PPP1R1A: variants seen among roughly 807,000 people sequenced by gnomAD.
PPP1R1A encodes the protein protein phosphatase 1 regulatory subunit 1A.
In PPP1R1A, 18 loss-of-function variants were observed where a neutral mutation model predicts 23.9. The observed-to-expected ratio is 0.75, with a 90% CI of 0.52 to 1.12. The LOEUF is 1.12. Ranked by LOEUF, PPP1R1A falls within the 50% of genes most tolerant of loss-of-function variation. The pLI is 0.00. For synonymous variants in PPP1R1A, 84 were observed against 80.7 expected (o/e 1.04, Z -0.22); for missense variants, 207 against 223.8 (o/e 0.92, Z 0.48).
In PPP1R1A at chr12:54,583,820, G is replaced by A. The variant is rs529289161; in HGVS notation, c.145+440C>T. On this transcript the variant is annotated intron_variant, in intron 2 of 6. Coordinates refer to ENST00000257905, the MANE Select transcript of PPP1R1A (RefSeq NM_006741.4). ...AGAACTTGTTTTCTCCCCAGACCTC[G>A]ATGGGGATGCTGGTGACCAGAATCT... Among the ~76,000 whole-genome samples the A allele has an allele frequency of 6.6e-5, 10 of 152,252 alleles. No individual in the cohort carries two copies. In the South Asian group the frequency reaches 1.2e-3, roughly 19 times the overall value.
chr12:54,580,683 T>C (rs1483987566), intron 6 of PPP1R1A, among the ~76,000 whole-genome samples: 1 of 152,186 alleles, frequency 6.6e-6, no homozygotes, highest in Non-Finnish European at 1.5e-5. Flanking sequence ...TATCAAAAAA[T>C]CCATGGCCTA....
At chr12:54,587,176 T>C (rs1046446627) in intron 1 of PPP1R1A, among the ~76,000 whole-genome samples, 1 of 151,628 alleles carries the variant, frequency 6.6e-6, no homozygotes, top group African/African-American at 2.4e-5. Context: ...GTAGGGAGAG[T>C]GTGTACCCCT....
chr12:54,582,776 G>A lies in PPP1R1A; in HGVS notation c.203C>T (p.Pro68Leu). The change falls in exon 4 of 7, where the codon CCA (proline) becomes CTA (leucine). Residue 68 changes from proline (P) to leucine (L), a missense_variant. Transcript: ENST00000257905. ...CCTTGTCATCTTCTTCCGTTGCCGT[G>A]GAGACATTGCCAAAGTGGACTGTGA... ...PHLKSTLAMS[P>L]RQRKKMTRIT... 6.2e-7 allele frequency: 1 copy of A among 1,613,628 alleles called. No individual in the cohort carries two copies. Among genetic ancestry groups the A allele is most frequent in the Non-Finnish European group, 8.5e-7 (1 of 1,179,878 alleles).
intron 1 of PPP1R1A, among the ~76,000 whole-genome samples, chr12:54,587,454 AAGG>A (rs1345762681): frequency 6.6e-6 from 1 of 152,230 alleles, no homozygotes; most frequent in Non-Finnish European, 1.5e-5. Flanking sequence ...TTTGGCAAAC[AAGG>A]AGTAGTAAGG....
chr12:54,585,468 G>A (rs1192723712), intron 1 of PPP1R1A, among the ~76,000 whole-genome samples: 1 of 152,162 alleles, frequency 6.6e-6, no homozygotes, highest in African/African-American at 2.4e-5. Flanking sequence ...CCTGGGAGGT[G>A]TAGTTTTCCC....
rs903158023 is a variant in PPP1R1A at position 54,582,198 on chromosome 12, G to A, written c.248-67C>T. ...CCTAGCGTCTCCCCTGTGGGCCTCC[G>A]GATTCAACAGCCCCACTAAAGGCTC... On this transcript the variant is annotated intron_variant, in intron 4 of 6. Coordinates refer to ENST00000257905, the MANE Select transcript of PPP1R1A (RefSeq NM_006741.4). 16 of 1,471,338 alleles carry A rather than the reference G, an allele frequency of 1.1e-5. No individual in the cohort carries two copies. The African/African-American group carries it at 1.1e-4, about 10-fold the overall frequency. 91.1% of individuals were successfully genotyped at this position (1,471,338 alleles called of 1,614,324 possible).
In PPP1R1A at chr12:54,581,054, G is replaced by C; in HGVS notation, c.404-4C>G. The stretch of plus-strand genomic sequence containing the variant: ...TTAGGGATGCATTCTGCAGTTTCTG[G>C]GGAGGGAACATAGGGGTGGGAGGAA... On this transcript the variant is annotated splice_region_variant and splice_polypyrimidine_tract_variant and intron_variant, in intron 5 of 6. Transcript: ENST00000257905. The surrounding 1 kb of genome is among the most constrained non-coding windows in gnomAD (Gnocchi z 4.1). 1 of 1,604,664 alleles carries C rather than the reference G, an allele frequency of 6.2e-7. No individual in the cohort carries two copies. The highest frequency in any genetic ancestry group is 1.1e-5 in the South Asian group (1 of 90,820).
intron 2 of PPP1R1A, 23 bp from the exon 3 acceptor site, chr12:54,583,271 AG>A: frequency 6.7e-7 from 1 of 1,490,698 alleles, no homozygotes; most frequent in Non-Finnish European, 8.9e-7. Flanking sequence ...GGGAAAGGAG[AG>A]GGTGATAAGG....
intron 1 of PPP1R1A, among the ~76,000 whole-genome samples, chr12:54,586,918 T>G (rs1219836622): frequency 6.6e-6 from 1 of 152,204 alleles, no homozygotes; most frequent in African/African-American, 2.4e-5. Context: ...GAGCCCTTTT[T>G]CCTGGGTCTG....
In PPP1R1A at chr12:54,588,633, C is replaced by A; in HGVS notation, c.-145G>T. On this transcript the variant is annotated 5_prime_UTR_variant, in exon 1 of 7. Transcript: ENST00000257905. ...TCGGCTCCCGGCTCCCGGCACAGCG[C>A]TCCCAGCTCGCGGCTCCGGGGACTC... 1 of 288,802 alleles carries A rather than the reference C, an allele frequency of 3.5e-6. No individual in the cohort carries two copies. The highest frequency in any genetic ancestry group is 5.9e-6 in the Non-Finnish European group (1 of 169,026). The allele number at this position is 288,802 out of a possible 1,614,324, so 17.9% of individuals were successfully genotyped here.
In PPP1R1A at chr12:54,582,834, C is replaced by A. The variant is rs576733948; in HGVS notation, c.184-39G>T. 3.9e-5 allele frequency: 62 copies of A among 1,599,644 alleles called. 1 individual carries two copies. The highest frequency in any genetic ancestry group is 2.6e-4 in the South Asian group (24 of 90,644). ...AGAGCACAGATGGGCGCCAGCCCCC[C>A]CTTGCTCTCCAGACCCCTCCCTTGC... is the stretch of plus-strand genomic sequence containing the variant. On this transcript the variant is annotated intron_variant, in intron 3 of 6. Transcript: ENST00000257905.
chr12:54,583,913 C>T (rs562846826), intron 2 of PPP1R1A, among the ~76,000 whole-genome samples: 6 of 152,156 alleles, frequency 3.9e-5, no homozygotes, highest in African/African-American at 9.6e-5. Flanking sequence ...CTGGTGGAGG[C>T]GGTCCCTCCC....
chr12:54,584,213 T>C (rs1326895522), intron 2 of PPP1R1A, 47 bp downstream of exon 2: 1 of 1,502,956 alleles, frequency 6.7e-7, no homozygotes, highest in South Asian at 1.2e-5. Flanking sequence ...TGGGACCTGC[T>C]GCCATAGTGG....
At position 54,583,792 on chromosome 12, in the gene PPP1R1A, C is replaced by T. The variant is rs990639383; in HGVS notation, c.145+468G>A. ...CTCCTGTCAAGCTCTCTACCATTCTCTGAGAACTTGTTTTCTCCCCAGACC... is the reference window on the plus strand; with the variant it reads ...CTCCTGTCAAGCTCTCTACCATTCTTTGAGAACTTGTTTTCTCCCCAGACC... On this transcript the variant is annotated intron_variant, in intron 2 of 6. Coordinates refer to ENST00000257905, the MANE Select transcript of PPP1R1A (RefSeq NM_006741.4). Among the ~76,000 whole-genome samples the T allele has an allele frequency of 2.9e-4, 44 of 152,316 alleles. No homozygotes were observed. In the East Asian group the frequency reaches 6.2e-3, roughly 21 times the overall value.
intron 1 of PPP1R1A, among the ~76,000 whole-genome samples, chr12:54,588,149 G>A (rs1957928447): frequency 6.6e-6 from 1 of 151,698 alleles, no homozygotes; most frequent in Admixed American, 6.6e-5. Flanking sequence ...GAGGAAGAGA[G>A]CGACTCTCGC....
chr12:54,581,998 C>T lies in PPP1R1A; in HGVS notation c.381G>A (p.Leu127=), dbSNP rs780826013. 35 of 1,612,916 alleles carry T rather than the reference C, an allele frequency of 2.2e-5. No homozygotes were observed. In the South Asian group the frequency reaches 3.4e-4, roughly 16 times the overall value. Residue 127 remains leucine (L), a synonymous_variant, in exon 5 of 7, where the codon CTG becomes CTA. Transcript: ENST00000257905. The surrounding 1 kb of genome is among the most constrained non-coding windows in gnomAD (Gnocchi z 4.1). Reference sequence around the variant, plus strand: ...TACTTTTTGCTGTCCCAGAGGTGCCCAGCCTTGACTCCACTTCTGTGTCTG... The same window carrying T: ...TACTTTTTGCTGTCCCAGAGGTGCCTAGCCTTGACTCCACTTCTGTGTCTG... ...GIPDTEVESR[L]GTSGTAKKTA...
chr12:54,583,089 T>G, intron 3 of PPP1R1A, 122 bp downstream of exon 3: 1 of 1,044,530 alleles, frequency 9.6e-7, no homozygotes, highest in Non-Finnish European at 1.4e-6. Flanking sequence ...ATTTGGGGGG[T>G]AGAGGTACAG....
rs774193725 is a variant in PPP1R1A at position 54,582,774 on chromosome 12, G to T, written c.205C>A (p.Arg69=). The part of the protein sequence containing the change: ...HLKSTLAMSP[R]QRKKMTRITP... ...ATCCTTGTCATCTTCTTCCGTTGCC[G>T]TGGAGACATTGCCAAAGTGGACTGT... is the stretch of plus-strand genomic sequence containing the variant. The change falls in exon 4 of 7, where the codon CGG becomes AGG. Residue 69 remains arginine (R), a synonymous_variant. Coordinates refer to ENST00000257905, the MANE Select transcript of PPP1R1A (RefSeq NM_006741.4). 3 of 1,613,676 alleles carry T rather than the reference G, an allele frequency of 1.9e-6. No homozygotes were observed. The South Asian group carries it at 3.3e-5, about 18-fold the overall frequency.
At chr12:54,582,208 G>A in intron 4 of PPP1R1A, 77 bp from the exon 5 acceptor site, 1 of 1,440,586 alleles carries the variant, frequency 6.9e-7, no homozygotes. Context: ...GGATTCAACA[G>A]CCCCACTAAA....
Sources: gnomAD v4.1 joint callset for allele counts (sites outside exome capture counted in the v4.1 genomes callset) on GRCh38, gnomAD v4.1.1 for gene constraint, Gnocchi (gnomAD v3.1) non-coding constraint, MANE v1.5 for transcripts, NCBI Gene and HGNC (gene_info 2026-07-23, HGNC 2026-07-21) for gene names.